Variants in DVL1 observed in about 807,000 individuals in gnomAD.
The protein encoded by DVL1 is segment polarity protein dishevelled homolog DVL-1.
In DVL1, 49 loss-of-function variants were observed where a neutral mutation model predicts 65.0. The observed-to-expected ratio is 0.75, with a 90% CI of 0.60 to 0.96. The LOEUF (loss-of-function observed/expected upper bound fraction) is 0.96. Among genes scored for constraint, DVL1 ranks in the 40% least tolerant of loss-of-function variants. The pLI, the probability that DVL1 is intolerant of heterozygous loss-of-function variation, is 0.00. For synonymous variants in DVL1, 608 were observed against 433.9 expected (o/e 1.40, Z -4.99); for missense variants, 1,197 against 1,045.4 (o/e 1.15, Z -2.00).
intron 1 of DVL1, among the ~76,000 whole-genome samples, chr1:1,344,526 A>G (rs985904016): frequency 6.6e-6 from 1 of 152,064 alleles, no homozygotes; most frequent in African/African-American, 2.4e-5. Flanking sequence ...CCCAGGTGGG[A>G]GCAGGGACCC....
At position 1,335,985 on chromosome 1, in the gene DVL1, T is replaced by A; in HGVS notation, c.*157A>T. On this transcript the variant is annotated 3_prime_UTR_variant, in exon 15 of 15. Coordinates refer to ENST00000378888, the MANE Select transcript of DVL1 (RefSeq NM_001330311.2). ...CTCAGACACAGGTGCTGTCAGGAGC[T>A]GGAGCAGCCAGGCTGCCAGGGCAGA... 1.0e-6 allele frequency: 1 copy of A among 997,348 alleles called. No homozygotes were observed. Among genetic ancestry groups the A allele is most frequent in the South Asian group, 1.6e-5 (1 of 60,926 alleles). The allele number at this position is 997,348 out of a possible 1,614,324, so 61.8% of individuals were successfully genotyped here. A position where few individuals can be genotyped will look rare whatever the true frequency, so the allele number is the denominator to read the frequency against.
In DVL1 at chr1:1,341,074, C is replaced by CAT. The variant is rs1392192040; in HGVS notation, c.606-572_606-571insAT. On this transcript the variant is annotated intron_variant, in intron 5 of 14. Coordinates refer to ENST00000378888, the MANE Select transcript of DVL1 (RefSeq NM_001330311.2). ...GCACACACATGCACACCTGCACACACGCACCCCTGCACACAGGCACACCTG... is the reference window on the plus strand; with the variant it reads ...GCACACACATGCACACCTGCACACACATGCACCCCTGCACACAGGCACACCTG... 5.4e-5 allele frequency among the ~76,000 whole-genome samples: 8 copies of CAT among 148,166 alleles called. No homozygotes were observed. The East Asian group carries it at 1.5e-3, about 27-fold the overall frequency.
In DVL1 at chr1:1,348,994, G is replaced by A. The variant is rs1319234437; in HGVS notation, c.72C>T (p.Ala24=). The A allele has an allele frequency of 5.1e-6, 8 of 1,578,170 alleles. No individual in the cohort carries two copies. The highest frequency in any genetic ancestry group is 1.1e-5 in the South Asian group (1 of 89,870). ...ETPYLVKLPV[A]PERVTLADFK... ...AGTCGGCCAGCGTGACGCGCTCGGG[G>A]GCCACGGGCAGCTTGACCAGGTACG... Residue 24 remains alanine, a synonymous_variant, in exon 1 of 15, where the codon GCC becomes GCT. Transcript: ENST00000378888.
In DVL1 at chr1:1,336,514, C is replaced by A; in HGVS notation, c.1716G>T (p.Gly572=). Residue 572 remains glycine (G), a splice_region_variant and synonymous_variant, in exon 15 of 15, where the codon GGG becomes GGT. Transcript: ENST00000378888. The part of the protein sequence containing the change: ...SGSTGSQQSE[G]SKSSGSTRSS... Reference sequence around the variant, plus strand: ...TCCGGGTGGACCCACTGCTTTTGCTCCCTGGGAGTGAGAACAGGATGGGGA... The same window carrying A: ...TCCGGGTGGACCCACTGCTTTTGCTACCTGGGAGTGAGAACAGGATGGGGA... 6.6e-7 allele frequency: 1 copy of A among 1,509,228 alleles called. No individual in the cohort carries two copies. Among genetic ancestry groups the A allele is most frequent in the Non-Finnish European group, 8.8e-7 (1 of 1,137,844 alleles). The allele number at this position is 1,509,228 out of a possible 1,614,324, so 93.5% of individuals were successfully genotyped here.
chr1:1,342,782 G>A (rs1355884031), intron 1 of DVL1, 24 bp from the exon 2 acceptor site: 1 of 1,611,474 alleles, frequency 6.2e-7, no homozygotes, highest in African/African-American at 1.3e-5. Flanking sequence ...CTGCCGTGAG[G>A]CCCCACCTGG....
Position 1,338,533 on chromosome 1 carries a change from T to C in DVL1, c.1328A>G (p.Asn443Ser), listed in dbSNP as rs756176832. ...GGACGGCCACTCACCGATGACGGCA[T>C]TGGCGATGGTGATCTTGAGCCACAT... is the stretch of plus-strand genomic sequence containing the variant. ...DRMWLKITIA[N>S]AVIGADVVDW... The change falls in exon 12 of 15, where the codon AAT (asparagine) becomes AGT (serine). Residue 443 changes from asparagine to serine, a missense_variant. Coordinates refer to ENST00000378888, the MANE Select transcript of DVL1 (RefSeq NM_001330311.2). The C allele has an allele frequency of 1.3e-5, 21 of 1,612,592 alleles. No individual in the cohort carries two copies. The East Asian group carries it at 2.0e-4, about 15-fold the overall frequency.
intron 14 of DVL1, 119 bp downstream of exon 14, chr1:1,337,858 G>A (rs1440684179): frequency 3.8e-6 from 3 of 792,570 alleles, no homozygotes; most frequent in Admixed American, 2.0e-5. Context: ...CAGCGGGGTG[G>A]GGTGGAGCTG....
At position 1,338,088 on chromosome 1, in the gene DVL1, C is replaced by T; in HGVS notation, c.1603G>A (p.Gly535Ser). The T allele has an allele frequency of 6.2e-7, 1 of 1,610,270 alleles. No individual in the cohort carries two copies. Among genetic ancestry groups the T allele is most frequent in the Non-Finnish European group, 8.5e-7 (1 of 1,178,886 alleles). ...LPHPAAPWPL[G>S]QGYPYQYPGP... Reference sequence around the variant, plus strand: ...GGGTACTGGTAGGGGTAGCCCTGACCCAGAGGCCAGGGGGCAGCCGGGTGG... The same window carrying T: ...GGGTACTGGTAGGGGTAGCCCTGACTCAGAGGCCAGGGGGCAGCCGGGTGG... The change falls in exon 14 of 15, where the codon GGT becomes AGT. Residue 535 changes from glycine (G) to serine (S), a missense_variant. Physicochemically the swap from Gly to Ser is moderately conservative, Grantham distance 56. Coordinates refer to ENST00000378888, the MANE Select transcript of DVL1 (RefSeq NM_001330311.2).
In DVL1 at chr1:1,340,605, C is replaced by CTTG. The variant is rs1643766084; in HGVS notation, c.606-105_606-103dup. Reference sequence around the variant, plus strand: ...GTGGGAATCGGGGGTCTAGGCCAGGCTTGTTCCAAAGCAGGCTCAGTGCCT... The same window carrying CTTG: ...GTGGGAATCGGGGGTCTAGGCCAGGCTTGTTGTTCCAAAGCAGGCTCAGTGCCT... On this transcript the variant is annotated intron_variant, in intron 5 of 14. Coordinates refer to ENST00000378888, the MANE Select transcript of DVL1 (RefSeq NM_001330311.2). 1.2e-5 allele frequency: 16 copies of CTTG among 1,315,602 alleles called. No homozygotes were observed. The South Asian group carries it at 2.0e-4, about 16-fold the overall frequency. The allele number at this position is 1,315,602 out of a possible 1,614,324, so 81.5% of individuals were successfully genotyped here.
chr1:1,342,080 G>C lies in DVL1; in HGVS notation c.439C>G (p.Arg147Gly). The C allele has an allele frequency of 6.3e-7, 1 of 1,585,732 alleles. No homozygotes were observed. The highest frequency in any genetic ancestry group is 8.6e-7 in the Non-Finnish European group (1 of 1,166,610). Residue 147 changes from arginine (R) to glycine (G), a missense_variant, in exon 4 of 15, where the codon CGT becomes GGT. Physicochemically the swap from Arg to Gly is moderately radical, Grantham distance 125. Transcript: ENST00000378888. Reference protein sequence around the residue: ...TESMVSHRRERARRRNREEAA... With the variant: ...TESMVSHRREGARRRNREEAA... ...TCCTCGCGGTTCCGGCGTCGGGCAC[G>C]CTCCCGCCGGTGACTGACCATGGAC...
intron 1 of DVL1, 93 bp from the exon 2 acceptor site, chr1:1,342,851 A>G (rs1195037746): frequency 1.3e-5 from 16 of 1,239,494 alleles, no homozygotes; most frequent in Non-Finnish European, 1.7e-5. Flanking sequence ...CCTCCTGCCC[A>G]CACAATGTCA....
At chr1:1,337,404 C>T (rs1429161801) in intron 14 of DVL1, among the ~76,000 whole-genome samples, 1 of 152,176 alleles carries the variant, frequency 6.6e-6, no homozygotes, top group African/African-American at 2.4e-5. Flanking sequence ...CTAAACACAC[C>T]CCAGCCAGGG....
intron 1 of DVL1, among the ~76,000 whole-genome samples, chr1:1,346,886 A>G (rs1477645179): frequency 6.6e-6 from 1 of 152,212 alleles, no homozygotes; most frequent in Non-Finnish European, 1.5e-5. Flanking sequence ...CTTGGCATCC[A>G]GGGTCAGTGT....
Position 1,342,374 on chromosome 1 carries a change from G to A in DVL1, c.351C>T (p.Pro117=), listed in dbSNP as rs1478709183. The stretch of plus-strand genomic sequence containing the variant: ...CACGGTGTCCTTACTGGAAGGAGGG[G>A]GGCCGGGAGTCCCCGATGCCGCCTG... ...ERTGGIGDSR[P]PSFHPNVASS... Residue 117 remains proline (P), a synonymous_variant, in exon 3 of 15, where the codon CCC becomes CCT. Transcript: ENST00000378888. 2 of 1,579,676 alleles carry A rather than the reference G, an allele frequency of 1.3e-6. No individual in the cohort carries two copies. Among genetic ancestry groups the A allele is most frequent in the Non-Finnish European group, 1.7e-6 (2 of 1,164,916 alleles).
intron 14 of DVL1, 157 bp downstream of exon 14, chr1:1,337,820 G>T: frequency 1.4e-6 from 1 of 731,858 alleles, no homozygotes; most frequent in Non-Finnish European, 2.4e-6. Flanking sequence ...CATGGGATTG[G>T]GGTCAGCAGA....
intron 1 of DVL1, among the ~76,000 whole-genome samples, chr1:1,344,805 G>T (rs893843361): frequency 6.6e-6 from 1 of 152,168 alleles, no homozygotes; most frequent in Non-Finnish European, 1.5e-5. Context: ...CCGCCAGGGG[G>T]CCAGGGCCCA....
chr1:1,347,572 A>T (rs1260912857), intron 1 of DVL1, among the ~76,000 whole-genome samples: 1 of 152,350 alleles, frequency 6.6e-6, no homozygotes, highest in Non-Finnish European at 1.5e-5. Flanking sequence ...CATTTGCAAC[A>T]AACAGCATTA....
intron 1 of DVL1, among the ~76,000 whole-genome samples, chr1:1,346,975 C>G (rs1208079519): frequency 6.6e-6 from 1 of 152,202 alleles, no homozygotes; most frequent in Non-Finnish European, 1.5e-5. Context: ...ACAGAACAGA[C>G]AGTGCTGAGA....
At chr1:1,342,842 C>T in intron 1 of DVL1, 84 bp from the exon 2 acceptor site, 3 of 1,355,268 alleles carry the variant, frequency 2.2e-6, no homozygotes, top group Middle Eastern at 1.8e-4. Context: ...GCAGGCGCTC[C>T]TCCTGCCCAC....
Sources: gnomAD v4.1 joint callset for allele counts (sites outside exome capture counted in the v4.1 genomes callset) on GRCh38, gnomAD v4.1.1 for gene constraint, MANE v1.5 for transcripts, NCBI Gene and HGNC (gene_info 2026-07-23, HGNC 2026-07-21) for gene names.